DMTF1: variants seen among roughly 807,000 people sequenced by gnomAD.
The protein encoded by DMTF1 is cyclin-D-binding Myb-like transcription factor 1.
Under a neutral mutation model 91.1 loss-of-function variants are expected in DMTF1, and 39 were observed. The ratio of observed to expected loss-of-function variants is 0.43; its 90% CI spans 0.33 to 0.56. The LOEUF is 0.56. DMTF1 is among the 20% of genes least tolerant of loss of function. The probability of loss-of-function intolerance (pLI) is 0.05; values close to 1 mark genes in which losing one functional copy is unlikely to be tolerated. For missense variants in DMTF1, 750 were observed against 914.5 expected (o/e 0.82, Z 2.32); for synonymous variants, 338 against 309.5 (o/e 1.09, Z -0.97).
chr7:87,185,765 CAGA>C (rs1798266758), intron 11 of DMTF1, 61 bp from the exon 12 acceptor site: 2 of 1,569,634 alleles, frequency 1.3e-6, no homozygotes, highest in East Asian at 4.5e-5. Context: ...TACCTGTAGT[CAGA>C]GGAGGGGTTC....
At chr7:87,191,220 T>C (rs1333235843) in intron 14 of DMTF1, among the ~76,000 whole-genome samples, 193 bp downstream of exon 14, 2 of 152,128 alleles carry the variant, frequency 1.3e-5, no homozygotes, top group South Asian at 2.1e-4. Context: ...GTTATCTATA[T>C]GAAAATGACA....
intron 13 of DMTF1, among the ~76,000 whole-genome samples, chr7:87,189,578 T>C (rs1390846716): frequency 6.6e-6 from 1 of 152,160 alleles, no homozygotes; most frequent in African/African-American, 2.4e-5. Context: ...ATTTAGAATT[T>C]TCTCTCTTAC....
At chr7:87,160,817 T>C (rs1203118088) in intron 1 of DMTF1, among the ~76,000 whole-genome samples, 1 of 152,182 alleles carries the variant, frequency 6.6e-6, no homozygotes, top group Non-Finnish European at 1.5e-5. Context: ...CTCCTGCATC[T>C]CTCTAGCTGG....
chr7:87,194,759 C>T lies in DMTF1; in HGVS notation c.2104C>T (p.Pro702Ser). 3.1e-6 allele frequency: 5 copies of T among 1,611,692 alleles called. No individual in the cohort carries two copies. Among genetic ancestry groups the T allele is most frequent in the Non-Finnish European group, 4.2e-6 (5 of 1,178,466 alleles). ...TGAAACAATACTTATCGTTCCTTCACCACATGGCTTTATCCAGGCATCTGA... is the reference window on the plus strand; with the variant it reads ...TGAAACAATACTTATCGTTCCTTCATCACATGGCTTTATCCAGGCATCTGA... Reference protein sequence around the residue: ...DDETILIVPSPHGFIQASDVI... With the variant: ...DDETILIVPSSHGFIQASDVI... Residue 702 changes from proline to serine, a missense_variant, in exon 17 of 18, where the codon CCA becomes TCA. Transcript: ENST00000331242.
rs1475774237 is a variant in DMTF1 at position 87,182,190 on chromosome 7, A to G, written c.711-38A>G. 4 of 1,613,836 alleles carry G rather than the reference A, an allele frequency of 2.5e-6. No individual in the cohort carries two copies. The East Asian group carries it at 6.7e-5, about 27-fold the overall frequency. ...ATGATGAAATTAAAAGGGAGAAAAC[A>G]ATTGAACCAAATGCTGATTGGCAGA... On this transcript the variant is annotated intron_variant, in intron 9 of 17. Transcript: ENST00000331242.
At chr7:87,189,994 GTGT>G (rs1446107431) in intron 13 of DMTF1, among the ~76,000 whole-genome samples, 1 of 152,054 alleles carries the variant, frequency 6.6e-6, no homozygotes, top group Non-Finnish European at 1.5e-5. Context: ...TAGCTGAGAA[GTGT>G]TGTAGTCAGA....
chr7:87,191,041 C>T lies in DMTF1; in HGVS notation c.1494+14C>T. The T allele has an allele frequency of 6.5e-7, 1 of 1,531,242 alleles. No individual in the cohort carries two copies. Among genetic ancestry groups the T allele is most frequent in the Non-Finnish European group, 9.0e-7 (1 of 1,113,984 alleles). 94.9% of individuals were successfully genotyped at this position (1,531,242 alleles called of 1,614,324 possible). A position where few individuals can be genotyped will look rare whatever the true frequency, so the allele number is the denominator to read the frequency against. On this transcript the variant is annotated intron_variant, in intron 14 of 17. Coordinates refer to ENST00000331242, the MANE Select transcript of DMTF1 (RefSeq NM_001142327.2). ...GAGATTCTTCCCGTGAGTAACGCTT[C>T]ATATATATTGGCCATTTTTATGCAT... is the stretch of plus-strand genomic sequence containing the variant.
At chr7:87,172,338 G>C (rs190134569) in intron 5 of DMTF1, among the ~76,000 whole-genome samples, 2 of 152,206 alleles carry the variant, frequency 1.3e-5, no homozygotes, top group African/African-American at 4.8e-5. Context: ...ACTTGTTCCA[G>C]TGATTTCCAG....
chr7:87,159,239 ATAAC>A (rs1404740323), intron 1 of DMTF1, among the ~76,000 whole-genome samples: 1 of 152,216 alleles, frequency 6.6e-6, no homozygotes, highest in African/African-American at 2.4e-5. Context: ...GAGTGCATAA[ATAAC>A]AGCAATGCCA....
intron 1 of DMTF1, among the ~76,000 whole-genome samples, chr7:87,158,765 T>G (rs924729186): frequency 1.3e-5 from 2 of 152,104 alleles, no homozygotes; most frequent in African/African-American, 2.4e-5. Context: ...TTTTATACTT[T>G]TTTTAGGTCT....
chr7:87,191,366 T>C (rs1799723697), intron 14 of DMTF1, among the ~76,000 whole-genome samples: 1 of 152,110 alleles, frequency 6.6e-6, no homozygotes, highest in Non-Finnish European at 1.5e-5. Context: ...CAGTAAACAC[T>C]GTACTAGCCA....
chr7:87,184,748 T>A, intron 11 of DMTF1, 123 bp downstream of exon 11: 1 of 826,150 alleles, frequency 1.2e-6, no homozygotes, highest in Non-Finnish European at 2.0e-6. Flanking sequence ...CATAGAGCAC[T>A]ACTGTTTAAG....
chr7:87,189,531 A>G (rs1052723152), intron 13 of DMTF1, among the ~76,000 whole-genome samples: 5 of 152,160 alleles, frequency 3.3e-5, no homozygotes, highest in East Asian at 1.9e-4. Flanking sequence ...CATTTTATAA[A>G]TGATACCTTA....
At chr7:87,188,040 T>C (rs1344924460) in intron 12 of DMTF1, 52 bp from the exon 13 acceptor site, 6 of 1,468,586 alleles carry the variant, frequency 4.1e-6, no homozygotes, top group Non-Finnish European at 5.7e-6. Context: ...GCTGCTTAGA[T>C]GGTGGTCTGT....
chr7:87,183,273 G>T (rs1797743203), intron 10 of DMTF1, among the ~76,000 whole-genome samples: 1 of 152,222 alleles, frequency 6.6e-6, no homozygotes, highest in South Asian at 2.1e-4. Context: ...CCAGCTTAAT[G>T]AAAGAAGCAG....
intron 11 of DMTF1, chr7:87,185,130 T>G (rs930913790): frequency 8.8e-6 from 2 of 228,296 alleles, no homozygotes; most frequent in African/African-American, 4.6e-5. Flanking sequence ...CTTTAAGATA[T>G]CATAATCCCA....
rs749290503 is a variant in DMTF1, at chr7:87,193,216, A to G, written c.1513A>G (p.Thr505Ala). Residue 505 changes from threonine (T) to alanine (A), a missense_variant, in exon 15 of 18, where the codon ACT becomes GCT. Coordinates refer to ENST00000331242, the MANE Select transcript of DMTF1 (RefSeq NM_001142327.2). ...EILPSFHLQPTGTPGTYLLQT... is the reference protein window; with the variant it reads ...EILPSFHLQPAGTPGTYLLQT... Reference sequence around the variant, plus strand: ...CCTTTAGTCTTTCCATCTACAGCCCACTGGCACTCCAGGCACCTACCTACT... The same window carrying G: ...CCTTTAGTCTTTCCATCTACAGCCCGCTGGCACTCCAGGCACCTACCTACT... 1 of 1,613,284 alleles carries G rather than the reference A, an allele frequency of 6.2e-7. No individual in the cohort carries two copies. The highest frequency in any genetic ancestry group is 1.1e-5 in the South Asian group (1 of 91,046).
intron 2 of DMTF1, 69 bp downstream of exon 2, chr7:87,163,686 ATTTACC>A (rs1363950811): frequency 6.6e-6 from 1 of 152,184 alleles, no homozygotes; most frequent in Non-Finnish European, 1.5e-5. Flanking sequence ...CATGATTTCC[ATTTACC>A]TTTATTTTGG....
At chr7:87,193,622 G>A in intron 15 of DMTF1, 103 bp from the exon 16 acceptor site, 1 of 1,146,784 alleles carries the variant, frequency 8.7e-7, no homozygotes, top group South Asian at 1.5e-5. Context: ...AGTGATAAAA[G>A]TATTTACAGT....
Sources: allele counts gnomAD v4.1 joint callset (sites outside exome capture counted in the v4.1 genomes callset), GRCh38; gene constraint gnomAD v4.1.1; transcripts MANE v1.5; gene names NCBI Gene and HGNC (gene_info 2026-07-23, HGNC 2026-07-21).